The following RUNX1 variants were observed in gnomAD, a reference collection of about 807,000 sequenced individuals.
The protein encoded by RUNX1 is runt-related transcription factor 1.
RUNX1 carries 19 observed loss-of-function variants against 42.8 expected under a neutral mutation model. The ratio of observed to expected loss-of-function variants is 0.44; its 90% CI spans 0.31 to 0.65. The LOEUF (loss-of-function observed/expected upper bound fraction) is 0.65, where lower values mean the gene tolerates loss of function less well. Among genes scored for constraint, RUNX1 ranks in the 30% least tolerant of loss-of-function variants. RUNX1 has a pLI of 0.07. For synonymous variants in RUNX1, 271 were observed against 289.4 expected (o/e 0.94, Z 0.64); for missense variants, 528 against 672.0 (o/e 0.79, Z 2.37).
At chr21:34,898,975 A>T (rs1308663092) in intron 2 of RUNX1, among the ~76,000 whole-genome samples, 2 of 152,104 alleles carry the variant, frequency 1.3e-5, no homozygotes, top group African/African-American at 4.8e-5. Context: ...GTGCAGTGGC[A>T]TGATCTCCAC....
At chr21:34,932,200 A>T (rs1442790568) in intron 2 of RUNX1, among the ~76,000 whole-genome samples, 1 of 152,198 alleles carries the variant, frequency 6.6e-6, no homozygotes, top group Non-Finnish European at 1.5e-5. Context: ...TTTCATGTAG[A>T]GTGCTTATTA....
At chr21:34,815,259 G>A (rs1361384976) in intron 7 of RUNX1, among the ~76,000 whole-genome samples, 1 of 152,114 alleles carries the variant, frequency 6.6e-6, no homozygotes, top group Non-Finnish European at 1.5e-5. Flanking sequence ...TTTTGTTTGT[G>A]TGTTTTAGAC....
chr21:34,830,914 G>C (rs2057054309), intron 7 of RUNX1, among the ~76,000 whole-genome samples: 1 of 152,094 alleles, frequency 6.6e-6, no homozygotes, highest in Admixed American at 6.5e-5. Flanking sequence ...TTCTGTACCA[G>C]CATCTATTAC....
At chr21:35,018,957 C>A (rs535434612) in intron 2 of RUNX1, among the ~76,000 whole-genome samples, 1 of 152,310 alleles carries the variant, frequency 6.6e-6, no homozygotes, top group African/African-American at 2.4e-5. Context: ...CCTCAGCCAA[C>A]GTTAGTTGTT....
chr21:35,045,440 A>G (rs939911613), intron 2 of RUNX1, among the ~76,000 whole-genome samples: 1 of 152,132 alleles, frequency 6.6e-6, no homozygotes, highest in African/African-American at 2.4e-5. Flanking sequence ...ATTTGACACT[A>G]TTTGGACATA....
intron 5 of RUNX1, among the ~76,000 whole-genome samples, 170 bp from the exon 6 acceptor site, chr21:34,859,748 T>C (rs910541650): frequency 1.3e-4 from 20 of 152,238 alleles, no homozygotes; most frequent in African/African-American, 4.6e-4. Context: ...ACACCTATGA[T>C]AGTTGCCTAA....
At chr21:35,031,625 A>G (rs2059273982) in intron 2 of RUNX1, among the ~76,000 whole-genome samples, 1 of 152,242 alleles carries the variant, frequency 6.6e-6, no homozygotes, top group Admixed American at 6.5e-5. Context: ...CTAAGTGTCC[A>G]TCGACAGATG....
chr21:34,966,903 G>A (rs11910282), intron 2 of RUNX1, among the ~76,000 whole-genome samples: 1 of 152,124 alleles, frequency 6.6e-6, no homozygotes, highest in African/African-American at 2.4e-5. Context: ...AAATGTGCCA[G>A]ATGAGGTGAA....
chr21:34,974,188 T>A (rs1309709136), intron 2 of RUNX1, among the ~76,000 whole-genome samples: 1 of 152,160 alleles, frequency 6.6e-6, no homozygotes, highest in East Asian at 1.9e-4. Flanking sequence ...TTTTCTGTCA[T>A]CTTAATCATC....
intron 2 of RUNX1, among the ~76,000 whole-genome samples, chr21:34,934,744 T>C (rs907173772): frequency 4.0e-5 from 6 of 151,886 alleles, no homozygotes; most frequent in African/African-American, 1.5e-4. Flanking sequence ...ATTCATGAGG[T>C]CAAAGCTGGG....
chr21:34,857,832 C>G (rs1051832318), intron 6 of RUNX1, among the ~76,000 whole-genome samples: 1 of 152,160 alleles, frequency 6.6e-6, no homozygotes, highest in East Asian at 1.9e-4. Context: ...CTCTGGAAAC[C>G]TAAGAAGAGC....
intron 2 of RUNX1, among the ~76,000 whole-genome samples, chr21:34,979,862 G>A (rs1469691775): frequency 6.6e-6 from 1 of 152,048 alleles, no homozygotes; most frequent in Non-Finnish European, 1.5e-5. Context: ...GAGAACAGAG[G>A]GTAGGACCAA....
At position 34,790,512 on chromosome 21, in the gene RUNX1, C is replaced by G. The variant is rs1212467562; in HGVS notation, c.*1623G>C. On this transcript the variant is annotated 3_prime_UTR_variant, in exon 9 of 9. Coordinates refer to ENST00000675419, the MANE Select transcript of RUNX1 (RefSeq NM_001754.5). ...ACAACAACTGCATTCTGACCAAATC[C>G]TCCAATAAAAATAGTGCCATAAAAT... The G allele has an allele frequency of 1.3e-5, 3 of 233,656 alleles. No homozygotes were observed. Among genetic ancestry groups the G allele is most frequent in the Admixed American group, 5.6e-5 (1 of 17,802 alleles). 14.5% of individuals were successfully genotyped at this position (233,656 alleles called of 1,614,324 possible). A position where few individuals can be genotyped will look rare whatever the true frequency, so the allele number is the denominator to read the frequency against.
At chr21:34,823,241 T>A (rs921283874) in intron 7 of RUNX1, among the ~76,000 whole-genome samples, 35 of 152,184 alleles carry the variant, frequency 2.3e-4, no homozygotes, top group Non-Finnish European at 3.4e-4. Flanking sequence ...TTTTATGACA[T>A]CAACTGAAGG....
rs2059354530 is a variant in RUNX1, at chr21:35,040,947, A to G, written c.58+7895T>C. The stretch of plus-strand genomic sequence containing the variant: ...TCTGGGTCTTTCTTTAGGATCTACT[A>G]ACAATGAAAAACATATATATGAAAA... On this transcript the variant is annotated intron_variant, in intron 2 of 8. Transcript: ENST00000675419. Among the ~76,000 whole-genome samples the G allele has an allele frequency of 3.9e-5, 6 of 152,236 alleles. No homozygotes were observed. The South Asian group carries it at 1.0e-3, about 26-fold the overall frequency.
At chr21:35,030,868 A>G (rs958520871) in intron 2 of RUNX1, among the ~76,000 whole-genome samples, 1 of 152,228 alleles carries the variant, frequency 6.6e-6, no homozygotes, top group South Asian at 2.1e-4. Flanking sequence ...GAACTCAAAC[A>G]ACTCAATAGC....
At chr21:34,912,631 T>G (rs1331449761) in intron 2 of RUNX1, among the ~76,000 whole-genome samples, 1 of 152,210 alleles carries the variant, frequency 6.6e-6, no homozygotes, top group African/African-American at 2.4e-5. Flanking sequence ...TGCCCCAGCC[T>G]GGGTCCCTCT....
chr21:34,845,130 G>C (rs879292965), intron 6 of RUNX1, among the ~76,000 whole-genome samples: 2 of 152,314 alleles, frequency 1.3e-5, no homozygotes, highest in Admixed American at 6.5e-5. Flanking sequence ...TACCTGAATG[G>C]GCAAGTGGCT....
At chr21:34,902,513 T>C (rs2058185174) in intron 2 of RUNX1, among the ~76,000 whole-genome samples, 1 of 152,210 alleles carries the variant, frequency 6.6e-6, no homozygotes, top group Non-Finnish European at 1.5e-5. Flanking sequence ...ATATATTCTA[T>C]ATAAAGGTAT....
Sources: allele counts gnomAD v4.1 joint callset (sites outside exome capture counted in the v4.1 genomes callset), GRCh38; gene constraint gnomAD v4.1.1; transcripts MANE v1.5; gene names NCBI Gene and HGNC (gene_info 2026-07-23, HGNC 2026-07-21).